Variants in TRIM55 observed in about 807,000 individuals in gnomAD.
The protein encoded by TRIM55 is tripartite motif-containing protein 55.
Under a neutral mutation model 60.9 loss-of-function variants are expected in TRIM55, and 50 were observed. The observed-to-expected ratio is 0.82, with a 90% CI of 0.65 to 1.04. The LOEUF is 1.04. Ranked by LOEUF, TRIM55 falls within the 50% of genes least tolerant of loss-of-function variation. TRIM55 has a pLI of 0.00. For synonymous variants in TRIM55, 237 were observed against 238.1 expected (o/e 1.00, Z 0.04); for missense variants, 681 against 666.9 (o/e 1.02, Z -0.23).
chr8:66,150,370 A>G lies in TRIM55; in HGVS notation c.889A>G (p.Met297Val), dbSNP rs1810345536. The part of the protein sequence containing the change: ...KISEASKAFQ[M>V]EKIEHGYENM... ...CTCGGAAGCATCAAAGGCATTTCAG[A>G]TGGAGAAAATAGAACATGGCTATGA... Residue 297 changes from methionine to valine, a missense_variant, in exon 7 of 10, where the codon ATG becomes GTG. Coordinates refer to ENST00000315962, the MANE Select transcript of TRIM55 (RefSeq NM_184085.2). 1 of 1,614,244 alleles carries G rather than the reference A, an allele frequency of 6.2e-7. No homozygotes were observed. The highest frequency in any genetic ancestry group is 8.5e-7 in the Non-Finnish European group (1 of 1,180,042).
chr8:66,154,102 C>T lies in TRIM55; in HGVS notation c.1292C>T (p.Pro431Leu), dbSNP rs747540802. 3.7e-6 allele frequency: 6 copies of T among 1,614,072 alleles called. No individual in the cohort carries two copies. The highest frequency in any genetic ancestry group is 3.3e-5 in the South Asian group (3 of 91,072). The part of the protein sequence containing the change: ...EQTTESETPV[P>L]AAAETADPLF... ...ACCACAGAGTCTGAAACTCCAGTCCCTGCAGCAGCAGAAACTGCGGATCCC... is the reference window on the plus strand; with the variant it reads ...ACCACAGAGTCTGAAACTCCAGTCCTTGCAGCAGCAGAAACTGCGGATCCC... Residue 431 changes from proline to leucine, a missense_variant, in exon 9 of 10, where the codon CCT (proline) becomes CTT (leucine). Physicochemically the swap from Pro to Leu is moderately conservative, Grantham distance 98. Transcript: ENST00000315962.
chr8:66,142,410 G>A (rs1809868234), intron 4 of TRIM55, among the ~76,000 whole-genome samples: 1 of 152,208 alleles, frequency 6.6e-6, no homozygotes, highest in Non-Finnish European at 1.5e-5. Flanking sequence ...AACCAAGGGA[G>A]ACTGAGCCTC....
chr8:66,113,436 C>T, the TRIM55 span: 2 of 448,326 alleles, frequency 4.5e-6, no homozygotes, highest in Admixed American at 2.4e-5. Flanking sequence ...CCTTAGGTCG[C>T]TGGTTCGATT....
At chr8:66,170,000 T>C (rs1403438302) in intron 9 of TRIM55, among the ~76,000 whole-genome samples, 1 of 151,950 alleles carries the variant, frequency 6.6e-6, no homozygotes, top group Non-Finnish European at 1.5e-5. Context: ...AGCAATAAGT[T>C]TGTGTTTCTT....
chr8:66,148,933 T>C (rs1810253442), intron 4 of TRIM55, among the ~76,000 whole-genome samples: 1 of 152,028 alleles, frequency 6.6e-6, no homozygotes, highest in African/African-American at 2.4e-5. Flanking sequence ...CCTGTAATTC[T>C]AGCTACTTGG....
chr8:66,166,268 T>G (rs1811325048), intron 9 of TRIM55, among the ~76,000 whole-genome samples: 1 of 152,222 alleles, frequency 6.6e-6, no homozygotes, highest in East Asian at 1.9e-4. Context: ...GGGTAATGAA[T>G]TCATTCATTT....
At position 66,150,329 on chromosome 8, in the gene TRIM55, G is replaced by A. The variant is rs1374327264; in HGVS notation, c.861-13G>A. ...CAACAGTGACAGAAAGTGGCAACTT[G>A]TCTTTGTTGCAGAATCTCGGAAGCA... On this transcript the variant is annotated splice_polypyrimidine_tract_variant and intron_variant, in intron 6 of 9. Coordinates refer to ENST00000315962, the MANE Select transcript of TRIM55 (RefSeq NM_184085.2). 1 of 1,614,156 alleles carries A rather than the reference G, an allele frequency of 6.2e-7. No individual in the cohort carries two copies. Among genetic ancestry groups the A allele is most frequent in the Admixed American group, 1.7e-5 (1 of 60,026 alleles).
At chr8:66,124,987 T>C (rs1465938941), upstream of TRIM55, among the ~76,000 whole-genome samples, 1 of 152,226 alleles carries the variant, frequency 6.6e-6, no homozygotes, top group Non-Finnish European at 1.5e-5. Context: ...AAATGACTAT[T>C]ATTCCTCTAC....
At chr8:66,166,478 G>A (rs1479780788) in intron 9 of TRIM55, among the ~76,000 whole-genome samples, 6 of 152,198 alleles carry the variant, frequency 3.9e-5, no homozygotes, top group Non-Finnish European at 5.9e-5. Context: ...GTGTATCTCA[G>A]TGATTTTCAT....
At chr8:66,161,694 C>T (rs1554531778) in intron 9 of TRIM55, among the ~76,000 whole-genome samples, 1 of 150,114 alleles carries the variant, frequency 6.7e-6, no homozygotes, top group Non-Finnish European at 1.5e-5. Flanking sequence ...TTTCTTTCCA[C>T]AGTGTTTTGT....
chr8:66,155,825 C>A, intron 9 of TRIM55: 1 of 727,888 alleles, frequency 1.4e-6, no homozygotes, highest in Non-Finnish European at 2.3e-6. Flanking sequence ...TCAGTCCTCC[C>A]AAAAGAACAT....
intron 9 of TRIM55, among the ~76,000 whole-genome samples, chr8:66,164,722 G>T (rs1811226358): frequency 6.6e-6 from 1 of 152,198 alleles, no homozygotes; most frequent in East Asian, 1.9e-4. Flanking sequence ...CAGAGGGCAA[G>T]GCCAATAGCC....
rs1390253627 is a variant in TRIM55 at position 66,134,985 on chromosome 8, C to G, written c.342-5C>G. 9.9e-6 allele frequency: 16 copies of G among 1,613,854 alleles called. No individual in the cohort carries two copies. The highest frequency in any genetic ancestry group is 2.2e-5 in the South Asian group (2 of 91,064). On this transcript the variant is annotated splice_region_variant and splice_polypyrimidine_tract_variant and intron_variant, in intron 2 of 9. Coordinates refer to ENST00000315962, the MANE Select transcript of TRIM55 (RefSeq NM_184085.2). Reference sequence around the variant, plus strand: ...ATGGACATTTATCTGCCTACCTCCTCCCAGGCCAGAAAAGAAATCCGACCA... The same window carrying G: ...ATGGACATTTATCTGCCTACCTCCTGCCAGGCCAGAAAAGAAATCCGACCA...
At chr8:66,158,681 T>C (rs1284352169) in intron 9 of TRIM55, among the ~76,000 whole-genome samples, 1 of 152,266 alleles carries the variant, frequency 6.6e-6, no homozygotes, top group Non-Finnish European at 1.5e-5. Flanking sequence ...GACTTAGGCC[T>C]GACACAAGTC....
At chr8:66,168,179 C>T (rs1811428240) in intron 9 of TRIM55, among the ~76,000 whole-genome samples, 3 of 152,166 alleles carry the variant, frequency 2.0e-5, no homozygotes, top group African/African-American at 7.2e-5. Flanking sequence ...TTGCTCTGTC[C>T]CAAACAGAAA....
chr8:66,141,899 A>C (rs1375036244), intron 4 of TRIM55, among the ~76,000 whole-genome samples: 5 of 152,256 alleles, frequency 3.3e-5, no homozygotes, highest in African/African-American at 1.2e-4. Flanking sequence ...TGCCATTACA[A>C]ATATGAAGTA....
At chr8:66,124,960 G>A (rs1397885188), upstream of TRIM55, among the ~76,000 whole-genome samples, 3 of 152,274 alleles carry the variant, frequency 2.0e-5, no homozygotes, top group East Asian at 5.8e-4. Flanking sequence ...CAGACTCACT[G>A]AGCTAAAGGA....
At chr8:66,128,266 C>A in intron 1 of TRIM55, 38 bp from the exon 2 acceptor site, 1 of 1,536,100 alleles carries the variant, frequency 6.5e-7, no homozygotes. Context: ...CTGCTTGTGG[C>A]ATTACCCAAT....
rs1360571653 is a variant in TRIM55 at position 66,135,902 on chromosome 8, A to G, written c.507+747A>G. 2.0e-5 allele frequency among the ~76,000 whole-genome samples: 3 copies of G among 152,164 alleles called. No individual in the cohort carries two copies. The East Asian group carries it at 5.8e-4, about 29-fold the overall frequency. On this transcript the variant is annotated intron_variant, in intron 3 of 9. Transcript: ENST00000315962. ...GATAAAAGTGGAGTTGGGTACTCCA[A>G]TAGGTGCAGCCACTCCAGGCACCGA...
Sources: gnomAD v4.1 joint callset for allele counts (sites outside exome capture counted in the v4.1 genomes callset) on GRCh38, gnomAD v4.1.1 for gene constraint, MANE v1.5 for transcripts, NCBI Gene and HGNC (gene_info 2026-07-23, HGNC 2026-07-21) for gene names.